The following ARHGAP31 variants were observed in gnomAD, a reference collection of about 807,000 sequenced individuals.
ARHGAP31 encodes rho GTPase-activating protein 31.
A neutral mutation model predicts 113.9 loss-of-function variants in ARHGAP31; 34 were observed. The observed-to-expected ratio is 0.30, with a 90% CI of 0.23 to 0.40. The LOEUF is 0.40. Among genes scored for constraint, ARHGAP31 ranks in the 10% least tolerant of loss-of-function variants. ARHGAP31 has a pLI of 1.00. For synonymous variants in ARHGAP31, 650 were observed against 684.8 expected (o/e 0.95, Z 0.79); for missense variants, 1,548 against 1,767.1 (o/e 0.88, Z 2.22).
chr3:119,405,574 A>T (rs954120608), intron 10 of ARHGAP31, among the ~76,000 whole-genome samples: 1 of 151,940 alleles, frequency 6.6e-6, no homozygotes, highest in Non-Finnish European at 1.5e-5. Flanking sequence ...TAGCCACACT[A>T]CCCTCAGGAG....
chr3:119,377,338 G>A (rs1238272778), intron 3 of ARHGAP31, among the ~76,000 whole-genome samples: 1 of 152,206 alleles, frequency 6.6e-6, no homozygotes, highest in Non-Finnish European at 1.5e-5. Flanking sequence ...AGGGCACAGT[G>A]GAGAGAATGA....
chr3:119,402,534 C>T (rs1020095300), intron 10 of ARHGAP31, 137 bp downstream of exon 10: 5 of 924,232 alleles, frequency 5.4e-6, no homozygotes, highest in Admixed American at 4.1e-5. Context: ...AATCCACGCT[C>T]TGCCATTTTA....
At chr3:119,321,669 GAC>G (rs2079787523) in intron 1 of ARHGAP31, among the ~76,000 whole-genome samples, 1 of 150,534 alleles carries the variant, frequency 6.6e-6, no homozygotes, top group Non-Finnish European at 1.5e-5. Flanking sequence ...TTTGTTTTGA[GAC>G]GGAGACTCGC....
chr3:119,354,537 C>T (rs930872665), intron 1 of ARHGAP31, among the ~76,000 whole-genome samples: 16 of 151,392 alleles, frequency 1.1e-4, no homozygotes, highest in African/African-American at 3.9e-4. Flanking sequence ...GGCAGAGTTT[C>T]GCCCTTGTTG....
At position 119,395,754 on chromosome 3, in the gene ARHGAP31, C is replaced by T. The variant is rs1026052937; in HGVS notation, c.1006+2163C>T. Among the ~76,000 whole-genome samples the T allele has an allele frequency of 2.0e-5, 3 of 152,166 alleles. No homozygotes were observed. In the East Asian group the frequency reaches 5.8e-4, roughly 29 times the overall value. ...CCCCTTGCATGAGGAATGGGACTTA[C>T]ACCCAAGAAGTACAAGAGCTATGTG... On this transcript the variant is annotated intron_variant, in intron 8 of 11. Coordinates refer to ENST00000264245, the MANE Select transcript of ARHGAP31 (RefSeq NM_020754.4).
intron 1 of ARHGAP31, among the ~76,000 whole-genome samples, chr3:119,303,699 C>T (rs1430160691): frequency 6.6e-6 from 1 of 152,186 alleles, no homozygotes; most frequent in Non-Finnish European, 1.5e-5. Context: ...TTCCGGCAAA[C>T]CGTACATAAA....
At chr3:119,385,080 A>T (rs1450086668) in intron 6 of ARHGAP31, among the ~76,000 whole-genome samples, 1 of 151,930 alleles carries the variant, frequency 6.6e-6, no homozygotes, top group Non-Finnish European at 1.5e-5. Flanking sequence ...GCCCAACACC[A>T]CACCTGGCTA....
intron 10 of ARHGAP31, among the ~76,000 whole-genome samples, chr3:119,409,195 GTC>G (rs1376635467): frequency 6.6e-6 from 1 of 152,170 alleles, no homozygotes; most frequent in Non-Finnish European, 1.5e-5. Context: ...CCAAAAAAAT[GTC>G]TCCAGACATT....
In ARHGAP31 at chr3:119,401,903, G is replaced by C. The variant is rs1179567808; in HGVS notation, c.1151G>C (p.Gly384Ala). 1.9e-6 allele frequency: 3 copies of C among 1,613,942 alleles called. No homozygotes were observed. The African/African-American group carries it at 4.0e-5, about 22-fold the overall frequency. ...CCAGCAACAAAGATGCACTCCACCG[G>C]CACCGGCAGCTCATGTGACCTCACC... ...FIPATKMHST[G>A]TGSSCDLTKQ... Residue 384 changes from glycine (G) to alanine (A), a missense_variant, in exon 10 of 12, where the codon GGC (glycine) becomes GCC (alanine). Gly to Ala is a moderately conservative substitution (Grantham distance 60). Coordinates refer to ENST00000264245, the MANE Select transcript of ARHGAP31 (RefSeq NM_020754.4).
rs531868347 is a variant in ARHGAP31, at chr3:119,409,761, G to C, written c.1911G>C (p.Val637=). 12 of 1,603,714 alleles carry C rather than the reference G, an allele frequency of 7.5e-6. No homozygotes were observed. Among genetic ancestry groups the C allele is most frequent in the South Asian group, 5.6e-5 (5 of 89,300 alleles). The part of the protein sequence containing the change: ...QESPRARAEA[V]LLHEMDEDDL... Reference sequence around the variant, plus strand: ...GCCCCAGGGCCAGAGCCGAAGCTGTGCTTCTCCATGAGATGGTAAAGTGCA... The same window carrying C: ...GCCCCAGGGCCAGAGCCGAAGCTGTCCTTCTCCATGAGATGGTAAAGTGCA... Residue 637 remains valine (V), a synonymous_variant, in exon 11 of 12, where the codon GTG becomes GTC. Coordinates refer to ENST00000264245, the MANE Select transcript of ARHGAP31 (RefSeq NM_020754.4).
chr3:119,320,055 A>G (rs1197019241), intron 1 of ARHGAP31, among the ~76,000 whole-genome samples: 1 of 152,236 alleles, frequency 6.6e-6, no homozygotes, highest in African/African-American at 2.4e-5. Context: ...AGAGAGTCCT[A>G]GATTTCAATC....
At position 119,415,076 on chromosome 3, in the gene ARHGAP31, C is replaced by G. The variant is rs748369309; in HGVS notation, c.3147C>G (p.His1049Gln). Residue 1049 changes from histidine (H) to glutamine (Q), a missense_variant, in exon 12 of 12, where the codon CAC becomes CAG. Transcript: ENST00000264245. ...CAGAGGGAAAGGAGCTAGGGACACA[C>G]CTGGGGCACAGCAGTCCACAGATTA... Reference protein sequence around the residue: ...SLAEGKELGTHLGHSSPQIRQ... With the variant: ...SLAEGKELGTQLGHSSPQIRQ... 5.0e-6 allele frequency: 8 copies of G among 1,613,034 alleles called. No homozygotes were observed. Among genetic ancestry groups the G allele is most frequent in the Non-Finnish European group, 6.8e-6 (8 of 1,178,922 alleles).
Position 119,415,529 on chromosome 3 carries a change from C to T in ARHGAP31, c.3600C>T (p.Val1200=), listed in dbSNP as rs2080767990. 6.2e-7 allele frequency: 1 copy of T among 1,614,126 alleles called. No individual in the cohort carries two copies. Among genetic ancestry groups the T allele is most frequent in the South Asian group, 1.1e-5 (1 of 91,074 alleles). The change falls in exon 12 of 12, where the codon GTC becomes GTT. Residue 1200 remains valine (V), a synonymous_variant. Transcript: ENST00000264245. ...TCAAAATGTGCCAGGCCAGGGCGGT[C>T]CCAGTCATCCCTCCCAAGATTCAGT... ...FMVKMCQARA[V]PVIPPKIQYT...
intron 1 of ARHGAP31, among the ~76,000 whole-genome samples, chr3:119,351,197 T>C (rs1420733101): frequency 6.6e-6 from 1 of 152,186 alleles, no homozygotes; most frequent in Non-Finnish European, 1.5e-5. Flanking sequence ...AGAGGAAAGT[T>C]ACTCTCCTAA....
chr3:119,337,164 T>C (rs1407925134), intron 1 of ARHGAP31, among the ~76,000 whole-genome samples: 2 of 152,244 alleles, frequency 1.3e-5, no homozygotes, highest in African/African-American at 2.4e-5. Context: ...CCGCGGACCC[T>C]GGCAGTGAGT....
chr3:119,315,118 A>G (rs1248906333), intron 1 of ARHGAP31, among the ~76,000 whole-genome samples: 1 of 152,238 alleles, frequency 6.6e-6, no homozygotes, highest in Non-Finnish European at 1.5e-5. Context: ...ACTCAAAAAC[A>G]TAAGCAAGAG....
intron 10 of ARHGAP31, among the ~76,000 whole-genome samples, chr3:119,405,187 TA>T (rs983179071): frequency 2.4e-4 from 36 of 152,226 alleles, no homozygotes; most frequent in African/African-American, 8.4e-4. Flanking sequence ...TGTTTTGCCC[TA>T]TTTTTTTTAA....
intron 1 of ARHGAP31, among the ~76,000 whole-genome samples, chr3:119,355,490 CTTTTT>C (rs750466966): frequency 6.9e-6 from 1 of 145,542 alleles, no homozygotes; most frequent in Non-Finnish European, 1.5e-5. Flanking sequence ...TTTTTAATTT[CTTTTT>C]TTTTATTATA....
intron 1 of ARHGAP31, among the ~76,000 whole-genome samples, chr3:119,321,565 A>G (rs1305755086): frequency 6.6e-6 from 1 of 150,668 alleles, no homozygotes; most frequent in Non-Finnish European, 1.5e-5. Context: ...TATTATATAT[A>G]TATATGATTT....
Sources: gnomAD v4.1 joint callset for allele counts (sites outside exome capture counted in the v4.1 genomes callset) on GRCh38, gnomAD v4.1.1 for gene constraint, MANE v1.5 for transcripts, NCBI Gene and HGNC (gene_info 2026-07-23, HGNC 2026-07-21) for gene names.